The following MYO3A variants were observed in gnomAD, a reference collection of about 807,000 sequenced individuals.
MYO3A encodes myosin-IIIa.
Under a neutral mutation model 192.7 loss-of-function variants are expected in MYO3A, and 180 were observed. That is an observed-to-expected ratio of 0.93 (90% CI 0.83 to 1.06). The LOEUF (loss-of-function observed/expected upper bound fraction) is 1.06. Ranked by LOEUF, MYO3A falls within the 50% of genes least tolerant of loss-of-function variation. The pLI is 0.00. For missense variants in MYO3A, 1,896 were observed against 1,905.0 expected (o/e 1.00, Z 0.09); for synonymous variants, 628 against 645.3 (o/e 0.97, Z 0.41).
chr10:26,142,474 C>A (rs1840220487), intron 20 of MYO3A, among the ~76,000 whole-genome samples: 1 of 152,204 alleles, frequency 6.6e-6, no homozygotes, highest in Non-Finnish European at 1.5e-5. Flanking sequence ...GTACCTTAAC[C>A]CTACAGTAAT....
At chr10:26,087,377 C>T (rs544359836) in intron 14 of MYO3A, among the ~76,000 whole-genome samples, 3 of 152,280 alleles carry the variant, frequency 2.0e-5, no homozygotes, top group South Asian at 4.2e-4. Context: ...ATAGCCACCA[C>T]TGCTCTCCCT....
At chr10:26,207,298 C>T (rs1486241579) in intron 34 of MYO3A, among the ~76,000 whole-genome samples, 6 of 152,106 alleles carry the variant, frequency 3.9e-5, no homozygotes, top group Admixed American at 3.9e-4. Flanking sequence ...AGACCAATGT[C>T]ATGGAGGTTT....
chr10:26,091,734 A>G (rs996062838), intron 15 of MYO3A, among the ~76,000 whole-genome samples: 5 of 152,246 alleles, frequency 3.3e-5, no homozygotes, highest in African/African-American at 1.2e-4. Flanking sequence ...CTCTTTTAAA[A>G]GTGAGAAACT....
At chr10:25,967,234 CAAAGAATAATTACCAGAG>C (rs1178737803) in intron 4 of MYO3A, among the ~76,000 whole-genome samples, 2 of 152,156 alleles carry the variant, frequency 1.3e-5, no homozygotes, top group Admixed American at 6.5e-5. Context: ...GGCAGTTTGG[CAAAGAATAATTACCAGAG>C]AAAGAATCAA....
intron 7 of MYO3A, 108 bp from the exon 8 acceptor site, chr10:26,021,395 G>C (rs991857000): frequency 7.6e-7 from 1 of 1,309,122 alleles, no homozygotes; most frequent in Non-Finnish European, 1.1e-6. Context: ...TTTACTTATA[G>C]CTATCAAACT....
chr10:26,021,946 G>C (rs188849721), intron 8 of MYO3A: 5 of 395,326 alleles, frequency 1.3e-5, no homozygotes, highest in African/African-American at 8.2e-5. Flanking sequence ...CAATGAGTCA[G>C]TGAGGCATCA....
chr10:25,952,371 T>C, intron 3 of MYO3A, 93 bp downstream of exon 3: 5 of 1,331,338 alleles, frequency 3.8e-6, no homozygotes, highest in Non-Finnish European at 4.2e-6. Flanking sequence ...TTCATCACAA[T>C]AGCAGTCTAA....
chr10:26,042,937 G>C, intron 10 of MYO3A, among the ~76,000 whole-genome samples: 1 of 152,186 alleles, frequency 6.6e-6, no homozygotes, highest in Non-Finnish European at 1.5e-5. Context: ...GTCTGGACTT[G>C]TTTGTGCCTA....
intron 18 of MYO3A, among the ~76,000 whole-genome samples, chr10:26,124,358 ATAT>A (rs1443233477): frequency 9.8e-5 from 15 of 152,306 alleles, no homozygotes; most frequent in African/African-American, 2.6e-4. Flanking sequence ...ATTTGTCAAA[ATAT>A]TATGCAGCAA....
At chr10:26,124,228 A>G (rs997154177) in intron 18 of MYO3A, among the ~76,000 whole-genome samples, 3 of 150,686 alleles carry the variant, frequency 2.0e-5, no homozygotes, top group Non-Finnish European at 3.0e-5. Flanking sequence ...ATATTTACGT[A>G]TTTTGAAAAA....
At chr10:26,080,600 C>T (rs35311015) in intron 14 of MYO3A, among the ~76,000 whole-genome samples, 20,800 of 45,748 alleles carry the variant, frequency 0.45, 2,662 homozygotes, top group Middle Eastern at 0.56. Context: ...TGGGGGGAGG[C>T]GGGGCGGGGG....
intron 26 of MYO3A, among the ~76,000 whole-genome samples, chr10:26,161,601 G>T (rs758265893): frequency 6.6e-6 from 1 of 152,152 alleles, no homozygotes; most frequent in Non-Finnish European, 1.5e-5. Flanking sequence ...CTTATTCAAA[G>T]TTACTTGAGT....
intron 7 of MYO3A, 102 bp downstream of exon 7, chr10:26,016,998 A>G (rs1357014839): frequency 3.3e-6 from 4 of 1,210,324 alleles, no homozygotes; most frequent in Non-Finnish European, 4.9e-6. Flanking sequence ...ATATAACAGA[A>G]GAAACTCTCA....
rs563293890 is a variant in MYO3A, at chr10:26,021,938, A to G, written c.731+290A>G. Reference sequence around the variant, plus strand: ...CCTCCCACCCTTTATCCATTCCCCAATGAGTCAGTGAGGCATCAGAGTCCA... The same window carrying G: ...CCTCCCACCCTTTATCCATTCCCCAGTGAGTCAGTGAGGCATCAGAGTCCA... On this transcript the variant is annotated intron_variant, in intron 8 of 34. Transcript: ENST00000642920. The G allele has an allele frequency of 1.6e-4, 64 of 402,084 alleles. 1 individual carries two copies. Among genetic ancestry groups the G allele is most frequent in the South Asian group, 8.2e-4 (39 of 47,508 alleles). The allele number at this position is 402,084 out of a possible 1,614,324, so 24.9% of individuals were successfully genotyped here. A position where few individuals can be genotyped will look rare whatever the true frequency, so the allele number is the denominator to read the frequency against.
intron 10 of MYO3A, among the ~76,000 whole-genome samples, chr10:26,066,607 T>C (rs1834861584): frequency 2.6e-5 from 4 of 152,250 alleles, no homozygotes; most frequent in Admixed American, 2.6e-4. Flanking sequence ...TGATCACCAA[T>C]GACCTAACAC....
At chr10:26,150,502 G>C (rs1348372343) in intron 23 of MYO3A, among the ~76,000 whole-genome samples, 1 of 152,170 alleles carries the variant, frequency 6.6e-6, no homozygotes, top group African/African-American at 2.4e-5. Flanking sequence ...AATTTGTTTA[G>C]TAAATATAAA....
chr10:26,200,498 G>A (rs1204358479), intron 32 of MYO3A, among the ~76,000 whole-genome samples: 1 of 152,164 alleles, frequency 6.6e-6, no homozygotes, highest in Non-Finnish European at 1.5e-5. Context: ...AAATAGATGA[G>A]CTCAAATGTA....
At chr10:26,150,014 A>G (rs1318220834) in intron 23 of MYO3A, among the ~76,000 whole-genome samples, 2 of 144,646 alleles carry the variant, frequency 1.4e-5, no homozygotes, top group Admixed American at 7.2e-5. Flanking sequence ...AGGTTCAACC[A>G]TGTTGAATAG....
At chr10:26,148,420 A>C (rs1377475679) in intron 23 of MYO3A, among the ~76,000 whole-genome samples, 1 of 152,200 alleles carries the variant, frequency 6.6e-6, no homozygotes, top group African/African-American at 2.4e-5. Context: ...AAAGTCCTGA[A>C]ATCAGGCAGT....
Sources: gnomAD v4.1 joint callset for allele counts (sites outside exome capture counted in the v4.1 genomes callset) on GRCh38, gnomAD v4.1.1 for gene constraint, MANE v1.5 for transcripts, NCBI Gene and HGNC (gene_info 2026-07-23, HGNC 2026-07-21) for gene names.